The following MAML3 variants were observed in gnomAD, a reference collection of about 807,000 sequenced individuals.
The protein encoded by MAML3 is mastermind like transcriptional coactivator 3.
A neutral mutation model predicts 101.9 loss-of-function variants in MAML3; 27 were observed. The observed-to-expected ratio is 0.27, with a 90% confidence interval of 0.20 to 0.37. MAML3 has a LOEUF of 0.37. MAML3 is among the 10% of genes least tolerant of loss of function. The pLI, the probability that MAML3 is intolerant of heterozygous loss-of-function variation, is 1.00. For missense variants in MAML3, 1,316 were observed against 1,444.9 expected (o/e 0.91, Z 1.45); for synonymous variants, 501 against 555.9 (o/e 0.90, Z 1.39).
chr4:140,054,596 T>C (rs1353729944), intron 1 of MAML3, among the ~76,000 whole-genome samples: 1 of 152,210 alleles, frequency 6.6e-6, no homozygotes, highest in Non-Finnish European at 1.5e-5. Flanking sequence ...ATCACACTCA[T>C]ATTTCAAGGC....
At chr4:139,959,687 C>T (rs543487664) in intron 1 of MAML3, among the ~76,000 whole-genome samples, 10 of 152,186 alleles carry the variant, frequency 6.6e-5, no homozygotes, top group South Asian at 6.2e-4. Context: ...AAAACATTGA[C>T]GGTATTGAGG....
chr4:139,845,940 C>T (rs1731437975), intron 2 of MAML3, among the ~76,000 whole-genome samples: 2 of 152,104 alleles, frequency 1.3e-5, no homozygotes, highest in Admixed American at 1.3e-4. Flanking sequence ...TGATCTTTAA[C>T]CCCTTCATCT....
At chr4:139,867,347 A>AG (rs1210801051) in intron 2 of MAML3, among the ~76,000 whole-genome samples, 1 of 152,224 alleles carries the variant, frequency 6.6e-6, no homozygotes, top group South Asian at 2.1e-4. Flanking sequence ...TACTTCAAAA[A>AG]GAAAAAAAAG....
At chr4:139,911,691 C>T (rs1223294176) in intron 1 of MAML3, among the ~76,000 whole-genome samples, 1 of 152,126 alleles carries the variant, frequency 6.6e-6, no homozygotes, top group Non-Finnish European at 1.5e-5. Flanking sequence ...GTGGATCCTT[C>T]ATGAAAGGTA....
chr4:139,734,349 T>C (rs1728843139), intron 2 of MAML3, among the ~76,000 whole-genome samples: 1 of 152,162 alleles, frequency 6.6e-6, no homozygotes, highest in Non-Finnish European at 1.5e-5. Flanking sequence ...TGAAGCCAAA[T>C]GATGCAGTAT....
At chr4:139,862,156 C>T (rs1469288053) in intron 2 of MAML3, among the ~76,000 whole-genome samples, 2 of 152,166 alleles carry the variant, frequency 1.3e-5, no homozygotes, top group African/African-American at 4.8e-5. Flanking sequence ...TTGCAGTGAG[C>T]TGAGATCGTG....
chr4:139,823,497 T>C (rs1231557403), intron 2 of MAML3, among the ~76,000 whole-genome samples: 1 of 152,152 alleles, frequency 6.6e-6, no homozygotes, highest in African/African-American at 2.4e-5. Context: ...CTGCAGCTTC[T>C]GTGTGTCTGC....
intron 1 of MAML3, among the ~76,000 whole-genome samples, chr4:140,130,782 G>C (rs915975956): frequency 6.6e-6 from 1 of 152,128 alleles, no homozygotes; most frequent in African/African-American, 2.4e-5. Flanking sequence ...TGATGAAATA[G>C]TCAATATTAT....
chr4:139,956,523 C>T (rs1733919679), intron 1 of MAML3, among the ~76,000 whole-genome samples: 1 of 152,222 alleles, frequency 6.6e-6, no homozygotes, highest in South Asian at 2.1e-4. Flanking sequence ...CAACTATTTG[C>T]CTTTGGCATA....
chr4:140,035,820 T>C (rs541035934), intron 1 of MAML3, among the ~76,000 whole-genome samples: 45 of 152,080 alleles, frequency 3.0e-4, no homozygotes, highest in Admixed American at 2.0e-3. Context: ...AAACTAACAT[T>C]AATAAAGTTT....
At chr4:139,956,672 TGGGGA>T (rs2110767453) in intron 1 of MAML3, among the ~76,000 whole-genome samples, 1 of 152,276 alleles carries the variant, frequency 6.6e-6, no homozygotes, top group East Asian at 1.9e-4. Flanking sequence ...CACAAAGCGA[TGGGGA>T]GCGATATACA....
At chr4:139,958,788 C>T (rs962878255) in intron 1 of MAML3, among the ~76,000 whole-genome samples, 1 of 152,210 alleles carries the variant, frequency 6.6e-6, no homozygotes, top group South Asian at 2.1e-4. Context: ...TTCAGGCCTT[C>T]AGAAAACTAC....
intron 1 of MAML3, among the ~76,000 whole-genome samples, chr4:140,010,917 A>G (rs1364199435): frequency 4.0e-5 from 6 of 151,852 alleles, no homozygotes; most frequent in African/African-American, 1.5e-4. Context: ...AGCCTGGCCA[A>G]CATGGTGAAA....
chr4:139,994,117 T>C (rs1003286666), intron 1 of MAML3, among the ~76,000 whole-genome samples: 1 of 152,220 alleles, frequency 6.6e-6, no homozygotes, highest in Non-Finnish European at 1.5e-5. Context: ...TGTCTTGGCA[T>C]CTTTGCTGAA....
At chr4:139,955,951 A>G (rs1487568280) in intron 1 of MAML3, among the ~76,000 whole-genome samples, 1 of 152,186 alleles carries the variant, frequency 6.6e-6, no homozygotes, top group Non-Finnish European at 1.5e-5. Flanking sequence ...CGTGAATTGG[A>G]AATATAGAGG....
chr4:139,772,018 T>C (rs1369691847), intron 2 of MAML3, among the ~76,000 whole-genome samples: 1 of 150,878 alleles, frequency 6.6e-6, no homozygotes, highest in East Asian at 2.0e-4. Flanking sequence ...GGTGGGCGGA[T>C]CACGAGGTCA....
intron 1 of MAML3, among the ~76,000 whole-genome samples, chr4:140,100,551 A>G (rs1440658894): frequency 6.6e-6 from 1 of 152,174 alleles, no homozygotes; most frequent in Non-Finnish European, 1.5e-5. Context: ...ATGTGTGTGT[A>G]TGTTTGTATA....
intron 2 of MAML3, among the ~76,000 whole-genome samples, chr4:139,776,858 T>G (rs999691799): frequency 6.6e-6 from 1 of 152,180 alleles, no homozygotes; most frequent in African/African-American, 2.4e-5. Context: ...TGTCCTACTT[T>G]GGCTCCAGCA....
chr4:139,891,086 A>T, intron 1 of MAML3, 119 bp from the exon 2 acceptor site: 1 of 1,181,288 alleles, frequency 8.5e-7, no homozygotes, highest in Non-Finnish European at 1.2e-6. Context: ...ACAGGAAAGA[A>T]GTCATACTTA....
Sources: allele counts gnomAD v4.1 joint callset (sites outside exome capture counted in the v4.1 genomes callset), GRCh38; gene constraint gnomAD v4.1.1; transcripts MANE v1.5; gene names NCBI Gene and HGNC (gene_info 2026-07-23, HGNC 2026-07-21).